Variants in LANCL1 observed in about 807,000 individuals in gnomAD.
The protein encoded by LANCL1 is glutathione S-transferase LANCL1.
Under a neutral mutation model 50.6 loss-of-function variants are expected in LANCL1, and 50 were observed. That is an observed-to-expected ratio of 0.99 (90% confidence interval 0.79 to 1.25). The LOEUF is 1.25. Ranked by LOEUF, LANCL1 falls within the 50% of genes most tolerant of loss-of-function variation. The probability of loss-of-function intolerance (pLI) is 0.00; values close to 1 mark genes in which losing one functional copy is unlikely to be tolerated. For missense variants in LANCL1, 532 were observed against 480.7 expected (o/e 1.11, Z -1.00); for synonymous variants, 188 against 178.6 (o/e 1.05, Z -0.42).
rs191527293 is a variant in LANCL1 at position 210,433,030 on chromosome 2, T to A, written c.*1457A>T. The stretch of plus-strand genomic sequence containing the variant: ...GCTACCTGCAGGAACCAGTACACAC[T>A]CAGTGGGGATTTGGTTTGAAGTTCC... On this transcript the variant is annotated 3_prime_UTR_variant, in exon 10 of 10. Coordinates refer to ENST00000450366, the MANE Select transcript of LANCL1 (RefSeq NM_006055.3). 6.5e-6 allele frequency: 1 copy of A among 152,776 alleles called. No homozygotes were observed. The highest frequency in any genetic ancestry group is 6.5e-5 in the Admixed American group (1 of 15,298). The allele number at this position is 152,776 out of a possible 1,614,324, so 9.5% of individuals were successfully genotyped here. A position where few individuals can be genotyped will look rare whatever the true frequency, so the allele number is the denominator to read the frequency against.
intron 3 of LANCL1, among the ~76,000 whole-genome samples, chr2:210,457,114 A>G (rs146806047): frequency 1.3e-5 from 2 of 152,238 alleles, no homozygotes; most frequent in African/African-American, 4.8e-5. Flanking sequence ...TTGATAAGCA[A>G]TCTTCTGCAG....
intron 4 of LANCL1, among the ~76,000 whole-genome samples, chr2:210,453,889 G>A (rs955314354): frequency 2.0e-5 from 3 of 152,090 alleles, no homozygotes; most frequent in Non-Finnish European, 4.4e-5. Flanking sequence ...GGTCGAGCTT[G>A]GTGACAGGTT....
intron 3 of LANCL1, among the ~76,000 whole-genome samples, chr2:210,466,306 T>G (rs911255405): frequency 2.0e-5 from 3 of 152,194 alleles, no homozygotes; most frequent in African/African-American, 7.2e-5. Flanking sequence ...AGGCTCATTA[T>G]AAATAGTACT....
chr2:210,467,092 G>A (rs1428369002), intron 3 of LANCL1, among the ~76,000 whole-genome samples: 1 of 152,176 alleles, frequency 6.6e-6, no homozygotes, highest in Non-Finnish European at 1.5e-5. Flanking sequence ...GGATGAGGAA[G>A]ATATAGAAGA....
intron 3 of LANCL1, among the ~76,000 whole-genome samples, chr2:210,464,376 A>G (rs943255342): frequency 2.0e-5 from 3 of 152,086 alleles, no homozygotes; most frequent in Non-Finnish European, 4.4e-5. Flanking sequence ...ATAGATGGGG[A>G]AAAAAAGGAG....
At chr2:210,453,600 G>A (rs143226554) in intron 4 of LANCL1, among the ~76,000 whole-genome samples, 32 of 152,286 alleles carry the variant, frequency 2.1e-4, no homozygotes, top group African/African-American at 7.7e-4. Context: ...GGAAAGGCTG[G>A]CATTATATAT....
chr2:210,469,617 G>A (rs1694165255), intron 3 of LANCL1, among the ~76,000 whole-genome samples: 1 of 152,178 alleles, frequency 6.6e-6, no homozygotes. Context: ...TCAGGAGTCA[G>A]CAATGAGTAT....
chr2:210,441,233 C>A, intron 5 of LANCL1, 75 bp downstream of exon 5: 1 of 1,443,952 alleles, frequency 6.9e-7, no homozygotes, highest in Non-Finnish European at 9.6e-7. Context: ...ACTACAGAGA[C>A]ATAAACAATA....
intron 4 of LANCL1, among the ~76,000 whole-genome samples, chr2:210,451,312 G>A (rs188489585): frequency 4.2e-4 from 64 of 152,092 alleles, no homozygotes; most frequent in African/African-American, 1.2e-3. Context: ...ATCACACACC[G>A]GGGCCTGTCA....
intron 3 of LANCL1, among the ~76,000 whole-genome samples, chr2:210,456,232 C>T (rs1010905869): frequency 1.3e-5 from 2 of 152,094 alleles, no homozygotes; most frequent in East Asian, 3.9e-4. Flanking sequence ...ATCTCATTTG[C>T]GATTTTTAGA....
At chr2:210,459,549 A>G (rs1302398881) in intron 3 of LANCL1, among the ~76,000 whole-genome samples, 1 of 152,178 alleles carries the variant, frequency 6.6e-6, no homozygotes, top group Non-Finnish European at 1.5e-5. Flanking sequence ...AATGTTCAAT[A>G]GCCACATGTG....
chr2:210,440,564 G>A, intron 6 of LANCL1, 34 bp downstream of exon 6: 1 of 1,590,326 alleles, frequency 6.3e-7, no homozygotes, highest in South Asian at 1.2e-5. Context: ...GGTCAGGAAG[G>A]ACATTTTAAA....
At chr2:210,464,943 G>A (rs1039818297) in intron 3 of LANCL1, among the ~76,000 whole-genome samples, 3 of 145,390 alleles carry the variant, frequency 2.1e-5, no homozygotes, top group Admixed American at 6.7e-5. Context: ...TCCGCAGTTC[G>A]GCCTGGGTGA....
intron 4 of LANCL1, chr2:210,442,452 T>C (rs1475482238): frequency 6.6e-6 from 1 of 152,262 alleles, no homozygotes; most frequent in Non-Finnish European, 1.5e-5. Context: ...AATACTTGCA[T>C]AGAACCCCAC....
At chr2:210,463,025 G>T (rs1242692419) in intron 3 of LANCL1, among the ~76,000 whole-genome samples, 3 of 152,128 alleles carry the variant, frequency 2.0e-5, no homozygotes, top group African/African-American at 7.2e-5. Context: ...GAGGCTGAGA[G>T]TAAACACACA....
chr2:210,437,861 T>G lies in LANCL1; in HGVS notation c.702A>C (p.Gln234His). Residue 234 changes from glutamine to histidine, a missense_variant, in exon 7 of 10, where the codon CAA (glutamine) becomes CAC (histidine). Gln to His is a conservative substitution (Grantham distance 24). Transcript: ENST00000450366. ...AACTATGTAACTTCCCTTGGCTCAC[T>G]TGAAGGCTGGGCTAAAAATGAGAAG... ...IYYYLMQPSL[Q>H]VSQGKLHSLV... 1 of 1,589,694 alleles carries G rather than the reference T, an allele frequency of 6.3e-7. No homozygotes were observed. Among genetic ancestry groups the G allele is most frequent in the East Asian group, 2.3e-5 (1 of 43,936 alleles).
At chr2:210,456,547 T>C (rs1693679819) in intron 3 of LANCL1, among the ~76,000 whole-genome samples, 1 of 151,770 alleles carries the variant, frequency 6.6e-6, no homozygotes, top group Non-Finnish European at 1.5e-5. Flanking sequence ...TTAAGGTTTG[T>C]AGACAAGTGT....
In LANCL1 at chr2:210,476,426, G is replaced by A. The variant is rs373487350; in HGVS notation, c.-16-14C>T. On this transcript the variant is annotated splice_polypyrimidine_tract_variant and intron_variant, in intron 1 of 9. Coordinates refer to ENST00000450366, the MANE Select transcript of LANCL1 (RefSeq NM_006055.3). ...CCGGAAGCAAGCCTGCAGAACAGGG[G>A]AAAAACAGAAACTAGGTTGAGATAG... 53 of 1,608,010 alleles carry A rather than the reference G, an allele frequency of 3.3e-5. No individual in the cohort carries two copies. The highest frequency in any genetic ancestry group is 4.3e-5 in the Non-Finnish European group (51 of 1,177,530).
chr2:210,454,813 A>C (rs776516525), intron 4 of LANCL1, among the ~76,000 whole-genome samples: 2 of 152,162 alleles, frequency 1.3e-5, no homozygotes, highest in African/African-American at 2.4e-5. Context: ...TGAATTACAG[A>C]TCTTGGATAG....
Sources: allele counts gnomAD v4.1 joint callset (sites outside exome capture counted in the v4.1 genomes callset), GRCh38; gene constraint gnomAD v4.1.1; transcripts MANE v1.5; gene names NCBI Gene and HGNC (gene_info 2026-07-23, HGNC 2026-07-21).